CHCHD6: variants seen among roughly 807,000 people sequenced by gnomAD.
CHCHD6 encodes the protein MICOS complex subunit MIC25.
CHCHD6 carries 28 observed loss-of-function variants against 32.3 expected under a neutral mutation model. The observed-to-expected ratio is 0.87, with a 90% CI of 0.64 to 1.19. CHCHD6 has a LOEUF of 1.19. CHCHD6 is among the 50% of genes most tolerant of loss of function. CHCHD6 has a pLI of 0.00. For synonymous variants in CHCHD6, 122 were observed against 117.5 expected (o/e 1.04, Z -0.25); for missense variants, 333 against 307.0 (o/e 1.08, Z -0.63).
chr3:126,889,863 AAGCGTTCC>A (rs2077731824), intron 5 of CHCHD6, among the ~76,000 whole-genome samples: 1 of 152,228 alleles, frequency 6.6e-6, no homozygotes, highest in African/African-American at 2.4e-5. Context: ...GGTCCGCAGA[AAGCGTTCC>A]AGCAGGGAGA....
At chr3:126,722,035 A>G (rs1935323804) in intron 1 of CHCHD6, among the ~76,000 whole-genome samples, 1 of 152,238 alleles carries the variant, frequency 6.6e-6, no homozygotes, top group African/African-American at 2.4e-5. Context: ...TGGCTATTAC[A>G]GATAATGCTG....
chr3:126,731,782 A>G (rs1185486266), intron 3 of CHCHD6, among the ~76,000 whole-genome samples: 3 of 152,190 alleles, frequency 2.0e-5, no homozygotes, highest in Non-Finnish European at 4.4e-5. Flanking sequence ...CTTAGCAAGA[A>G]TAACTCACCT....
intron 5 of CHCHD6, among the ~76,000 whole-genome samples, chr3:126,896,017 C>CG (rs2077833452): frequency 6.6e-6 from 1 of 152,208 alleles, no homozygotes; most frequent in South Asian, 2.1e-4. Context: ...CCCGGGGTCT[C>CG]TGTGCCCCCA....
intron 5 of CHCHD6, among the ~76,000 whole-genome samples, chr3:126,889,805 C>T (rs968721267): frequency 6.6e-6 from 1 of 152,238 alleles, no homozygotes; most frequent in African/African-American, 2.4e-5. Flanking sequence ...CCTGTTGCCA[C>T]AGCAACCCCA....
intron 4 of CHCHD6, among the ~76,000 whole-genome samples, chr3:126,807,711 A>C (rs1452794385): frequency 6.6e-6 from 1 of 152,258 alleles, no homozygotes; most frequent in Non-Finnish European, 1.5e-5. Context: ...ACCAGGATAC[A>C]TCATGAAATT....
chr3:126,859,875 C>T (rs1000468529), intron 5 of CHCHD6, among the ~76,000 whole-genome samples: 6 of 152,196 alleles, frequency 3.9e-5, no homozygotes, highest in East Asian at 1.9e-4. Context: ...AGTGAGGCCT[C>T]GCTCATGCTG....
chr3:126,951,032 C>G (rs2078708017), intron 6 of CHCHD6, among the ~76,000 whole-genome samples: 1 of 152,162 alleles, frequency 6.6e-6, no homozygotes, highest in South Asian at 2.1e-4. Context: ...GTTTCCCCAC[C>G]TAAATCTCAT....
intron 4 of CHCHD6, among the ~76,000 whole-genome samples, chr3:126,822,683 A>T (rs1035094241): frequency 6.6e-6 from 1 of 151,926 alleles, no homozygotes; most frequent in Non-Finnish European, 1.5e-5. Context: ...GTCTCTGATC[A>T]CTGTGAATTA....
At chr3:126,892,199 G>T (rs72980873) in intron 5 of CHCHD6, among the ~76,000 whole-genome samples, 1 of 152,146 alleles carries the variant, frequency 6.6e-6, no homozygotes, top group South Asian at 2.1e-4. Flanking sequence ...CAGCCTGGGC[G>T]GGCTCAGCTC....
chr3:126,891,114 C>G (rs1468451843), intron 5 of CHCHD6, among the ~76,000 whole-genome samples: 1 of 152,154 alleles, frequency 6.6e-6, no homozygotes, highest in Non-Finnish European at 1.5e-5. Context: ...AGGACATACC[C>G]TAGCAGGGAG....
intron 4 of CHCHD6, among the ~76,000 whole-genome samples, chr3:126,745,249 T>G (rs1936448069): frequency 6.6e-6 from 1 of 152,180 alleles, no homozygotes; most frequent in Non-Finnish European, 1.5e-5. Context: ...GAGGGCACTT[T>G]CCATAGCCTT....
chr3:126,938,655 A>T (rs1411085302), intron 6 of CHCHD6, among the ~76,000 whole-genome samples: 1 of 152,180 alleles, frequency 6.6e-6, no homozygotes, highest in East Asian at 1.9e-4. Flanking sequence ...TAACTATAAG[A>T]TGTTCCTGTG....
chr3:126,790,487 C>A (rs1237911648), intron 4 of CHCHD6, among the ~76,000 whole-genome samples: 1 of 152,214 alleles, frequency 6.6e-6, no homozygotes, highest in Non-Finnish European at 1.5e-5. Context: ...GGTCCTTTCA[C>A]ATAGTCCCAT....
intron 5 of CHCHD6, among the ~76,000 whole-genome samples, chr3:126,875,408 G>A (rs577040853): frequency 2.6e-5 from 4 of 152,340 alleles, no homozygotes; most frequent in East Asian, 3.9e-4. Context: ...GGGAGCACAT[G>A]GAGAGCTGGC....
At chr3:126,920,611 A>C (rs1482924877) in intron 6 of CHCHD6, among the ~76,000 whole-genome samples, 1 of 152,194 alleles carries the variant, frequency 6.6e-6, no homozygotes, top group Non-Finnish European at 1.5e-5. Context: ...AATGTTTTAA[A>C]AGAAGAAAAC....
chr3:126,745,581 G>A (rs1252045017), intron 4 of CHCHD6, among the ~76,000 whole-genome samples: 1 of 152,058 alleles, frequency 6.6e-6, no homozygotes, highest in Non-Finnish European at 1.5e-5. Context: ...TTCCACCATG[G>A]CAAAAAAGGG....
intron 4 of CHCHD6, among the ~76,000 whole-genome samples, chr3:126,830,964 C>T (rs1940612902): frequency 6.6e-6 from 1 of 152,194 alleles, no homozygotes. Flanking sequence ...TGTACCAGGG[C>T]CTGCTCGGGG....
At chr3:126,811,790 T>G (rs999953955) in intron 4 of CHCHD6, among the ~76,000 whole-genome samples, 2 of 152,234 alleles carry the variant, frequency 1.3e-5, no homozygotes, top group East Asian at 1.9e-4. Context: ...TTATCTCATA[T>G]TGTCCCTTGT....
At chr3:126,851,896 G>A (rs1163182909) in intron 4 of CHCHD6, among the ~76,000 whole-genome samples, 2 of 152,216 alleles carry the variant, frequency 1.3e-5, no homozygotes, top group Non-Finnish European at 2.9e-5. Flanking sequence ...AGGTCGCCTA[G>A]CTAATTAAGG....
Sources: allele counts gnomAD v4.1 joint callset (sites outside exome capture counted in the v4.1 genomes callset), GRCh38; gene constraint gnomAD v4.1.1; transcripts MANE v1.5; gene names NCBI Gene and HGNC (gene_info 2026-07-23, HGNC 2026-07-21).